HCRTR2: variants seen among roughly 807,000 people sequenced by gnomAD.
HCRTR2 encodes the protein hypocretin receptor 2.
HCRTR2 carries 22 observed loss-of-function variants against 49.0 expected under a neutral mutation model. The ratio of observed to expected loss-of-function variants is 0.45; its 90% CI spans 0.32 to 0.64. The LOEUF (loss-of-function observed/expected upper bound fraction) is 0.64, where lower values mean the gene tolerates loss of function less well. Ranked by LOEUF, HCRTR2 falls within the 30% of genes least tolerant of loss-of-function variation. HCRTR2 has a pLI of 0.04. For missense variants in HCRTR2, 491 were observed against 559.4 expected, an observed-to-expected ratio of 0.88 and a Z score of 1.23; for synonymous variants, 236 against 205.3, an observed-to-expected ratio of 1.15 and a Z score of -1.28.
chr6:55,157,279 T>C (rs1288143368), intron 1 of HCRTR2, among the ~76,000 whole-genome samples: 2 of 152,172 alleles, frequency 1.3e-5, no homozygotes, highest in Admixed American at 1.3e-4. Flanking sequence ...TGCAAGAGCA[T>C]CAAAAAAGCA....
At chr6:55,150,568 T>C (rs1764651698) in intron 1 of HCRTR2, among the ~76,000 whole-genome samples, 1 of 151,974 alleles carries the variant, frequency 6.6e-6, no homozygotes, top group Admixed American at 6.6e-5. Context: ...TTCATATTTC[T>C]TGTATAAGTG....
At chr6:55,204,962 G>A (rs1765575926) in intron 1 of HCRTR2, among the ~76,000 whole-genome samples, 1 of 151,812 alleles carries the variant, frequency 6.6e-6, no homozygotes, top group Non-Finnish European at 1.5e-5. Flanking sequence ...ATTTTTTTTA[G>A]TTTTTTTTAT....
intron 1 of HCRTR2, among the ~76,000 whole-genome samples, chr6:55,197,483 C>G (rs1765438002): frequency 6.6e-6 from 1 of 152,134 alleles, no homozygotes; most frequent in South Asian, 2.1e-4. Context: ...ATCTGTAATC[C>G]TAACCCTAAT....
intron 1 of HCRTR2, among the ~76,000 whole-genome samples, chr6:55,247,551 G>T (rs1156470679): frequency 1.3e-5 from 2 of 152,132 alleles, no homozygotes; most frequent in Non-Finnish European, 2.9e-5. Context: ...TGACAGGTTT[G>T]TGATGCCCCA....
At chr6:55,278,982 C>T (rs1392137337) in intron 5 of HCRTR2, among the ~76,000 whole-genome samples, 4 of 151,608 alleles carry the variant, frequency 2.6e-5, no homozygotes, top group Non-Finnish European at 4.4e-5. Context: ...TTGCTCTTTC[C>T]TTTTATTTCC....
At chr6:55,234,109 C>T (rs188666371) in intron 1 of HCRTR2, among the ~76,000 whole-genome samples, 2 of 152,140 alleles carry the variant, frequency 1.3e-5, no homozygotes, top group Non-Finnish European at 2.9e-5. Flanking sequence ...GAATTTATGA[C>T]AGCAAAATGA....
chr6:55,234,218 A>G (rs62416788), intron 1 of HCRTR2, among the ~76,000 whole-genome samples: 27,453 of 151,984 alleles, frequency 0.18, 2,815 homozygotes, highest in Non-Finnish European at 0.24. Context: ...ATTCTCTAAC[A>G]TCAAAAAATA....
chr6:55,260,623 T>C (rs1380331503), intron 3 of HCRTR2, among the ~76,000 whole-genome samples: 1 of 152,122 alleles, frequency 6.6e-6, no homozygotes, highest in Non-Finnish European at 1.5e-5. Flanking sequence ...TGCTGAAGAC[T>C]GCAGCGGATA....
At chr6:55,246,673 GTTTTAC>G (rs1415353106) in intron 1 of HCRTR2, among the ~76,000 whole-genome samples, 1 of 151,986 alleles carries the variant, frequency 6.6e-6, no homozygotes, top group Non-Finnish European at 1.5e-5. Context: ...CTAGTACTTA[GTTTTAC>G]TTTTACTTAC....
chr6:55,111,686 C>G (rs776905972), intron 1 of HCRTR2, among the ~76,000 whole-genome samples: 12 of 151,970 alleles, frequency 7.9e-5, no homozygotes, highest in Non-Finnish European at 1.8e-4. Flanking sequence ...AAGTCCAAAA[C>G]CAGATGGATT....
chr6:55,268,711 C>G lies in HCRTR2; in HGVS notation c.762+4889C>G, dbSNP rs544312121. On this transcript the variant is annotated intron_variant, in intron 4 of 6. Coordinates refer to ENST00000370862, the MANE Select transcript of HCRTR2 (RefSeq NM_001384272.1). The stretch of plus-strand genomic sequence containing the variant: ...TTTAGCCACTGAAACCCAAAATATA[C>G]CAAGCAAAAAGTAGTAGAATTAAGG... Among the ~76,000 whole-genome samples the G allele has an allele frequency of 2.6e-5, 4 of 152,066 alleles. No individual in the cohort carries two copies. The South Asian group carries it at 6.2e-4, about 24-fold the overall frequency.
intron 1 of HCRTR2, among the ~76,000 whole-genome samples, chr6:55,112,565 A>C (rs1196900797): frequency 6.6e-6 from 1 of 150,970 alleles, no homozygotes; most frequent in Non-Finnish European, 1.5e-5. Flanking sequence ...AAAAAAAAAA[A>C]ACCTTAGGAA....
intron 4 of HCRTR2, among the ~76,000 whole-genome samples, chr6:55,267,297 TAGTG>T (rs958281971): frequency 6.6e-6 from 1 of 152,108 alleles, no homozygotes; most frequent in Non-Finnish European, 1.5e-5. Context: ...GTAAGATTAT[TAGTG>T]AGCAAATTGT....
At chr6:55,254,081 G>A (rs1032983168) in intron 2 of HCRTR2, among the ~76,000 whole-genome samples, 2 of 152,032 alleles carry the variant, frequency 1.3e-5, no homozygotes, top group African/African-American at 4.8e-5. Flanking sequence ...ATCAAATGTT[G>A]TATCAGATAT....
intron 1 of HCRTR2, among the ~76,000 whole-genome samples, chr6:55,230,354 A>G (rs765831944): frequency 6.6e-6 from 1 of 152,196 alleles, no homozygotes; most frequent in African/African-American, 2.4e-5. Context: ...AATAACAAAA[A>G]TGACAGGATT....
chr6:55,154,110 A>T (rs1296762459), intron 1 of HCRTR2, among the ~76,000 whole-genome samples: 1 of 151,888 alleles, frequency 6.6e-6, no homozygotes, highest in African/African-American at 2.4e-5. Context: ...ACCAGTAACA[A>T]CCAAGGAGAC....
At chr6:55,126,903 G>C (rs1016489753) in intron 1 of HCRTR2, among the ~76,000 whole-genome samples, 1 of 152,156 alleles carries the variant, frequency 6.6e-6, no homozygotes, top group African/African-American at 2.4e-5. Flanking sequence ...AGCAATGGCA[G>C]ATACCCCTCC....
At chr6:55,225,664 A>G (rs1765990539) in intron 1 of HCRTR2, among the ~76,000 whole-genome samples, 1 of 152,250 alleles carries the variant, frequency 6.6e-6, no homozygotes, top group African/African-American at 2.4e-5. Flanking sequence ...GTGTACTATA[A>G]TTCCATATAC....
chr6:55,162,685 A>T (rs1255155428), intron 1 of HCRTR2, among the ~76,000 whole-genome samples: 1 of 152,226 alleles, frequency 6.6e-6, no homozygotes, highest in Non-Finnish European at 1.5e-5. Flanking sequence ...GCATTTCTAT[A>T]CACTAATAAT....
Sources: gnomAD v4.1 joint callset for allele counts (sites outside exome capture counted in the v4.1 genomes callset) on GRCh38, gnomAD v4.1.1 for gene constraint, MANE v1.5 for transcripts, NCBI Gene and HGNC (gene_info 2026-07-23, HGNC 2026-07-21) for gene names.